CFAP20DC: variants seen among roughly 807,000 people sequenced by gnomAD.
CFAP20DC encodes CFAP20 domain containing.
CFAP20DC carries 84 observed loss-of-function variants against 101.7 expected under a neutral mutation model. The ratio of observed to expected loss-of-function variants is 0.83; its 90% CI spans 0.69 to 0.99. CFAP20DC has a LOEUF of 0.99. Among genes scored for constraint, CFAP20DC ranks in the 50% least tolerant of loss-of-function variants. CFAP20DC has a pLI of 0.00. For missense variants in CFAP20DC, 1,007 were observed against 970.3 expected (o/e 1.04, Z -0.50); for synonymous variants, 359 against 351.2 (o/e 1.02, Z -0.25).
chr3:58,935,088 A>G (rs1296651469), intron 5 of CFAP20DC, among the ~76,000 whole-genome samples: 3 of 152,212 alleles, frequency 2.0e-5, no homozygotes, highest in Non-Finnish European at 2.9e-5. Flanking sequence ...CAGGATACAA[A>G]ATCAATGTGC....
chr3:58,853,803 C>A (rs1200450562), intron 12 of CFAP20DC, among the ~76,000 whole-genome samples: 1 of 152,140 alleles, frequency 6.6e-6, no homozygotes, highest in Non-Finnish European at 1.5e-5. Flanking sequence ...GCTAAGAACT[C>A]TCAATAAATT....
chr3:58,861,794 G>C lies in CFAP20DC; in HGVS notation c.1593+1764C>G. 1.0e-6 allele frequency: 1 copy of C among 985,392 alleles called. No individual in the cohort carries two copies. The highest frequency in any genetic ancestry group is 1.2e-6 in the Non-Finnish European group (1 of 829,920). The allele number at this position is 985,392 out of a possible 1,614,324, so 61.0% of individuals were successfully genotyped here. On this transcript the variant is annotated intron_variant, in intron 12 of 16. Transcript: ENST00000482387. This position sits in a 1 kb window ranked among gnomAD's most constrained non-coding sequence, Gnocchi z 4.0. ...GATGGTCTCACCACAGACTCTAGCC[G>C]TATGCTACTGGTCACCTTGATGGGC... is the stretch of plus-strand genomic sequence containing the variant.
At position 58,892,445 on chromosome 3, in the gene CFAP20DC, A is replaced by G. The variant is rs1037372820; in HGVS notation, c.551-7736T>C. On this transcript the variant is annotated intron_variant, in intron 6 of 16. Coordinates refer to ENST00000482387, the MANE Select transcript of CFAP20DC (RefSeq NM_001394063.1). This position sits in a 1 kb window ranked among gnomAD's most constrained non-coding sequence, Gnocchi z 4.0. ...TGAGCAGTATGGCCATTTTCATGAT[A>G]TTGATTCTTCCTATCCATGAGCATG... 6.6e-6 allele frequency among the ~76,000 whole-genome samples: 1 copy of G among 152,192 alleles called. No individual in the cohort carries two copies. Among genetic ancestry groups the G allele is most frequent in the Admixed American group, 6.5e-5 (1 of 15,284 alleles).
At chr3:58,848,029 AG>A (rs2077860312) in intron 13 of CFAP20DC, among the ~76,000 whole-genome samples, 1 of 98,350 alleles carries the variant, frequency 1.0e-5, no homozygotes, top group African/African-American at 4.0e-5. Context: ...GGGTGGGGGG[AG>A]GGGGGAGGGA....
intron 4 of CFAP20DC, among the ~76,000 whole-genome samples, chr3:59,035,585 A>G (rs578066224): frequency 6.6e-6 from 1 of 152,342 alleles, no homozygotes; most frequent in East Asian, 1.9e-4. Flanking sequence ...TAAAACAACT[A>G]GAAAATCTAG....
intron 13 of CFAP20DC, among the ~76,000 whole-genome samples, chr3:58,841,509 C>T (rs1282161360): frequency 6.6e-6 from 1 of 152,188 alleles, no homozygotes. Context: ...ATATTCTCTA[C>T]TCCAATACTG....
intron 15 of CFAP20DC, among the ~76,000 whole-genome samples, chr3:58,783,259 C>G (rs2072005264): frequency 6.6e-6 from 1 of 151,882 alleles, no homozygotes; most frequent in South Asian, 2.1e-4. Flanking sequence ...GCCTACTTCT[C>G]ATCATATACA....
rs1248650454 is a variant in CFAP20DC at position 58,843,809 on chromosome 3, G to A, written c.1971+5223C>T. ...AGGGAAGCCCATCAGACTAACAGCG[G>A]ATCTCTCGGCAGAAACCCTACAAGC... On this transcript the variant is annotated intron_variant, in intron 13 of 16. Transcript: ENST00000482387. Among the ~76,000 whole-genome samples, 11 of 147,546 alleles carry A rather than the reference G, an allele frequency of 7.5e-5. No individual in the cohort carries two copies. The South Asian group carries it at 1.1e-3, about 15-fold the overall frequency.
At chr3:58,848,536 A>G (rs1431850322) in intron 13 of CFAP20DC, among the ~76,000 whole-genome samples, 1 of 152,208 alleles carries the variant, frequency 6.6e-6, no homozygotes, top group Non-Finnish European at 1.5e-5. Context: ...TACAGCCACC[A>G]AACTAGCCGA....
chr3:58,887,825 A>G (rs970345823), intron 6 of CFAP20DC, among the ~76,000 whole-genome samples: 1 of 152,250 alleles, frequency 6.6e-6, no homozygotes, highest in Non-Finnish European at 1.5e-5. Context: ...CTGCAATAAA[A>G]GGAGAAATGT....
intron 5 of CFAP20DC, among the ~76,000 whole-genome samples, chr3:58,918,461 T>C (rs2084975955): frequency 6.6e-6 from 1 of 152,206 alleles, no homozygotes; most frequent in South Asian, 2.1e-4. Flanking sequence ...TCTAACATCC[T>C]GTTCAACATG....
At chr3:58,900,473 T>C (rs1243967748) in intron 6 of CFAP20DC, among the ~76,000 whole-genome samples, 1 of 152,208 alleles carries the variant, frequency 6.6e-6, no homozygotes, top group African/African-American at 2.4e-5. Flanking sequence ...ATCAATCAGA[T>C]ATTAAGGGAC....
In CFAP20DC at chr3:58,788,668, C is replaced by G. The variant is rs2072592681; in HGVS notation, c.2237+17727G>C. Reference sequence around the variant, plus strand: ...CCAATGTGGAACTGTATATTAGACACACATTTAGGGCACTAATCTAGTATA... The same window carrying G: ...CCAATGTGGAACTGTATATTAGACAGACATTTAGGGCACTAATCTAGTATA... On this transcript the variant is annotated intron_variant, in intron 15 of 16. Transcript: ENST00000482387. This position sits in a 1 kb window ranked among gnomAD's most constrained non-coding sequence, Gnocchi z 4.2. Among the ~76,000 whole-genome samples the G allele has an allele frequency of 6.6e-6, 1 of 151,912 alleles. No homozygotes were observed. The highest frequency in any genetic ancestry group is 2.1e-4 in the South Asian group (1 of 4,818).
chr3:58,959,777 T>A (rs2108205149), intron 4 of CFAP20DC, among the ~76,000 whole-genome samples: 1 of 152,294 alleles, frequency 6.6e-6, no homozygotes, highest in East Asian at 1.9e-4. Flanking sequence ...AGCTCATCAA[T>A]TTCGACAAAA....
chr3:58,992,881 T>C (rs965896091), intron 4 of CFAP20DC, among the ~76,000 whole-genome samples: 1 of 152,082 alleles, frequency 6.6e-6, no homozygotes, highest in Non-Finnish European at 1.5e-5. Flanking sequence ...ATAAAATACA[T>C]ACTTTATTTT....
At position 58,912,495 on chromosome 3, in the gene CFAP20DC, C is replaced by G; in HGVS notation, c.550+1213G>C. ...TCCTGTTCCACAGAGTGAGCCACAT[C>G]AAGATTTCTCAGGCACACACCCAGA... On this transcript the variant is annotated intron_variant, in intron 6 of 16. Transcript: ENST00000482387. The surrounding 1 kb of genome is among the most constrained non-coding windows in gnomAD (Gnocchi z 4.4). 3.2e-6 allele frequency: 1 copy of G among 312,944 alleles called. No homozygotes were observed. Among genetic ancestry groups the G allele is most frequent in the Non-Finnish European group, 6.3e-6 (1 of 159,188 alleles). The allele number at this position is 312,944 out of a possible 1,614,324, so 19.4% of individuals were successfully genotyped here. A position where few individuals can be genotyped will look rare whatever the true frequency, so the allele number is the denominator to read the frequency against.
At chr3:58,950,479 C>T (rs1056448021) in intron 4 of CFAP20DC, among the ~76,000 whole-genome samples, 5 of 152,148 alleles carry the variant, frequency 3.3e-5, no homozygotes, top group Admixed American at 6.5e-5. Context: ...AAGAACAAAG[C>T]TGGAGGCATC....
intron 5 of CFAP20DC, among the ~76,000 whole-genome samples, chr3:58,933,806 C>T (rs1212776180): frequency 1.3e-5 from 2 of 151,654 alleles, no homozygotes; most frequent in Non-Finnish European, 2.9e-5. Flanking sequence ...ACTAAATGCC[C>T]AAAAAGAAAG....
In CFAP20DC at chr3:58,750,851, GAATA is replaced by G. The variant is rs2068514731; in HGVS notation, c.2332+2914_2332+2917del. Among the ~76,000 whole-genome samples the G allele has an allele frequency of 2.0e-5, 3 of 152,154 alleles. No individual in the cohort carries two copies. In the South Asian group the frequency reaches 6.2e-4, roughly 32 times the overall value. On this transcript the variant is annotated intron_variant, in intron 16 of 16. Transcript: ENST00000482387. ...TGAAAGAAAAGTTGTTACTGCTTATGAATAAAGTTTAAGAGCCACGGCATAAGGT... is the reference window on the plus strand; with the variant it reads ...TGAAAGAAAAGTTGTTACTGCTTATGAAGTTTAAGAGCCACGGCATAAGGT...
Sources: allele counts gnomAD v4.1 joint callset (sites outside exome capture counted in the v4.1 genomes callset), GRCh38; gene constraint gnomAD v4.1.1; non-coding constraint Gnocchi (gnomAD v3.1); transcripts MANE v1.5; gene names NCBI Gene and HGNC (gene_info 2026-07-23, HGNC 2026-07-21).